The following ZNF804B variants were observed in gnomAD, a reference collection of about 807,000 sequenced individuals.
The protein encoded by ZNF804B is zinc finger 804B.
ZNF804B carries 80 observed loss-of-function variants against 101.4 expected under a neutral mutation model. The observed-to-expected ratio is 0.79, with a 90% CI of 0.66 to 0.95. ZNF804B has a LOEUF of 0.95. Among genes scored for constraint, ZNF804B ranks in the 40% least tolerant of loss-of-function variants. The pLI is 0.00. For missense variants in ZNF804B, 1,673 were observed against 1,561.9 expected (o/e 1.07, Z -1.20); for synonymous variants, 622 against 558.8 (o/e 1.11, Z -1.59).
intron 1 of ZNF804B, among the ~76,000 whole-genome samples, chr7:89,148,863 T>C (rs918449614): frequency 2.0e-5 from 3 of 152,062 alleles, no homozygotes; most frequent in Non-Finnish European, 2.9e-5. Context: ...ATCCTTGTTC[T>C]AAAAAAAGTC....
At chr7:88,822,811 A>G (rs1256596410) in intron 1 of ZNF804B, among the ~76,000 whole-genome samples, 1 of 152,214 alleles carries the variant, frequency 6.6e-6, no homozygotes, top group African/African-American at 2.4e-5. Context: ...TGTTTTGTCC[A>G]TTATTTTGAC....
At position 89,049,871 on chromosome 7, in the gene ZNF804B, G is replaced by T. The variant is rs1417592597; in HGVS notation, c.109-168284G>T. ...TACTAAAAATACAAAAATTAGCCAT[G>T]CATGGTGGCATGTGCCTGTAGTCCC... On this transcript the variant is annotated intron_variant, in intron 1 of 3. Transcript: ENST00000333190. Among the ~76,000 whole-genome samples the T allele has an allele frequency of 2.6e-5, 4 of 152,060 alleles. No homozygotes were observed. In the East Asian group the frequency reaches 7.8e-4, roughly 30 times the overall value.
intron 1 of ZNF804B, among the ~76,000 whole-genome samples, chr7:89,125,948 G>A (rs1222718193): frequency 5.9e-5 from 9 of 152,016 alleles, no homozygotes; most frequent in Non-Finnish European, 4.4e-5. Flanking sequence ...CACTATGATG[G>A]CAAGCACATT....
intron 1 of ZNF804B, among the ~76,000 whole-genome samples, chr7:88,999,789 T>G (rs1193660390): frequency 6.6e-6 from 1 of 151,994 alleles, no homozygotes; most frequent in Non-Finnish European, 1.5e-5. Context: ...AGTTTGGCTG[T>G]GTGTATTTTA....
intron 1 of ZNF804B, among the ~76,000 whole-genome samples, chr7:89,139,346 G>T (rs1790683242): frequency 6.6e-6 from 1 of 152,062 alleles, no homozygotes; most frequent in Non-Finnish European, 1.5e-5. Context: ...GGGTGTTAAA[G>T]GTTGTGGTGG....
chr7:88,790,998 T>C (rs975621768), intron 1 of ZNF804B, among the ~76,000 whole-genome samples: 3 of 152,068 alleles, frequency 2.0e-5, no homozygotes, highest in Non-Finnish European at 4.4e-5. Flanking sequence ...CTGAAGACAA[T>C]TTGTACTTCC....
chr7:89,085,875 C>A (rs1454332968), intron 1 of ZNF804B, among the ~76,000 whole-genome samples: 1 of 152,014 alleles, frequency 6.6e-6, no homozygotes, highest in African/African-American at 2.4e-5. Flanking sequence ...TATCTTCCAA[C>A]TATGACAATC....
At chr7:88,914,626 A>C (rs1232843458) in intron 1 of ZNF804B, among the ~76,000 whole-genome samples, 1 of 152,220 alleles carries the variant, frequency 6.6e-6, no homozygotes, top group East Asian at 1.9e-4. Context: ...TGCACAATTC[A>C]CTAATACAGT....
chr7:89,194,211 T>G (rs1361338403), intron 1 of ZNF804B, among the ~76,000 whole-genome samples: 2 of 152,208 alleles, frequency 1.3e-5, no homozygotes, highest in Non-Finnish European at 2.9e-5. Flanking sequence ...TTCTGGATAT[T>G]AGCCCTTTGT....
chr7:88,796,337 A>G (rs2115698686), intron 1 of ZNF804B, among the ~76,000 whole-genome samples: 1 of 152,266 alleles, frequency 6.6e-6, no homozygotes, highest in Middle Eastern at 3.4e-3. Context: ...AAGTAAATGA[A>G]GGCAGAGAGG....
chr7:88,792,790 C>T (rs1790399948), intron 1 of ZNF804B, among the ~76,000 whole-genome samples: 1 of 151,882 alleles, frequency 6.6e-6, no homozygotes, highest in South Asian at 2.1e-4. Flanking sequence ...CTGTTACTAA[C>T]TTGAAAGAAA....
chr7:89,041,717 C>A (rs1789020376), intron 1 of ZNF804B, among the ~76,000 whole-genome samples: 1 of 152,124 alleles, frequency 6.6e-6, no homozygotes, highest in Admixed American at 6.5e-5. Flanking sequence ...CAACTCTTTT[C>A]ACACTGTGCT....
intron 1 of ZNF804B, among the ~76,000 whole-genome samples, chr7:89,087,829 A>G (rs1166921203): frequency 6.6e-6 from 1 of 151,886 alleles, no homozygotes; most frequent in African/African-American, 2.4e-5. Context: ...TGTACTATGT[A>G]CTGGGCAGAG....
intron 1 of ZNF804B, among the ~76,000 whole-genome samples, chr7:89,049,301 G>T (rs1789160691): frequency 6.6e-6 from 1 of 152,094 alleles, no homozygotes; most frequent in Non-Finnish European, 1.5e-5. Context: ...GAGATTTTCA[G>T]TTTGCTTCTT....
At chr7:88,954,445 T>G (rs967268041) in intron 1 of ZNF804B, among the ~76,000 whole-genome samples, 1 of 151,710 alleles carries the variant, frequency 6.6e-6, no homozygotes, top group African/African-American at 2.4e-5. Flanking sequence ...ATAGAATCCT[T>G]TAAGCTAACT....
intron 1 of ZNF804B, among the ~76,000 whole-genome samples, chr7:89,217,250 A>G (rs1374808990): frequency 6.6e-6 from 1 of 152,220 alleles, no homozygotes; most frequent in Non-Finnish European, 1.5e-5. Context: ...TTTTTCTGGT[A>G]TATTGAGAAG....
At chr7:89,319,437 TG>T (rs1790784917) in intron 2 of ZNF804B, among the ~76,000 whole-genome samples, 1 of 152,182 alleles carries the variant, frequency 6.6e-6, no homozygotes. Context: ...AAAAACTTTA[TG>T]GGCAACTGAA....
intron 1 of ZNF804B, among the ~76,000 whole-genome samples, chr7:88,947,885 G>T (rs1644958600): frequency 6.6e-6 from 1 of 151,740 alleles, no homozygotes; most frequent in Non-Finnish European, 1.5e-5. Context: ...GTATCCACAG[G>T]GGTCATGCAA....
chr7:88,835,326 T>C (rs1030674062), intron 1 of ZNF804B, among the ~76,000 whole-genome samples: 5 of 151,876 alleles, frequency 3.3e-5, no homozygotes, highest in African/African-American at 4.8e-5. Flanking sequence ...CTTGTGTCGA[T>C]ATATTGAATT....
Sources: allele counts gnomAD v4.1 joint callset (sites outside exome capture counted in the v4.1 genomes callset), GRCh38; gene constraint gnomAD v4.1.1; transcripts MANE v1.5; gene names NCBI Gene and HGNC (gene_info 2026-07-23, HGNC 2026-07-21).